Variants in NUBPL observed in about 807,000 individuals in gnomAD.
NUBPL encodes the protein iron-sulfur cluster transfer protein NUBPL.
In NUBPL, 31 loss-of-function variants were observed where a neutral mutation model predicts 45.7. The observed-to-expected ratio is 0.68, with a 90% CI of 0.51 to 0.92. The LOEUF is 0.92. Ranked by LOEUF, NUBPL falls within the 40% of genes least tolerant of loss-of-function variation. The pLI, the probability that NUBPL is intolerant of heterozygous loss-of-function variation, is 0.00. For synonymous variants in NUBPL, 144 were observed against 140.9 expected, an observed-to-expected ratio of 1.02 and a Z score of -0.15; for missense variants, 401 against 398.7, an observed-to-expected ratio of 1.01 and a Z score of -0.05.
intron 8 of NUBPL, among the ~76,000 whole-genome samples, chr14:31,833,381 A>T (rs1318572308): frequency 6.6e-6 from 1 of 152,176 alleles, no homozygotes; most frequent in Non-Finnish European, 1.5e-5. Context: ...AAAAAAAAAA[A>T]ATTAATTAGA....
intron 6 of NUBPL, among the ~76,000 whole-genome samples, chr14:31,698,372 G>A (rs1264692079): frequency 6.7e-6 from 1 of 148,610 alleles, no homozygotes; most frequent in Non-Finnish European, 1.5e-5. Context: ...TTTTTTTTAA[G>A]TGTTGAAAGA....
intron 8 of NUBPL, among the ~76,000 whole-genome samples, chr14:31,827,258 T>G (rs191104184): frequency 6.6e-6 from 1 of 151,936 alleles, no homozygotes; most frequent in African/African-American, 2.4e-5. Context: ...ATTAAGAAAC[T>G]TAAATACATG....
chr14:31,661,400 G>T (rs184059440), intron 4 of NUBPL, among the ~76,000 whole-genome samples: 1 of 152,256 alleles, frequency 6.6e-6, no homozygotes, highest in Admixed American at 6.5e-5. Flanking sequence ...TTATGTGGAG[G>T]AGTTGCTGTA....
At chr14:31,708,603 G>C (rs553956122) in intron 6 of NUBPL, among the ~76,000 whole-genome samples, 1 of 152,320 alleles carries the variant, frequency 6.6e-6, no homozygotes, top group Admixed American at 6.5e-5. Context: ...GGCTGTCCCA[G>C]GATTCCTCAG....
rs1400278768 is a variant in NUBPL, at chr14:31,688,655, G to GTT, written c.513+15082_513+15083dup. Among the ~76,000 whole-genome samples, 48 of 102,782 alleles carry GTT rather than the reference G, an allele frequency of 4.7e-4. 1 individual carries two copies. Among genetic ancestry groups the GTT allele is most frequent in the African/African-American group, 1.4e-3 (44 of 30,882 alleles). The allele number at this position is 102,782 out of a possible 152,430, so 67.4% of individuals were successfully genotyped here. ...CTATCTGCCTGAACAGGTTTTTGTT[G>GTT]TTGTTTTTTTTTTTTTTTAACTTTT... is the stretch of plus-strand genomic sequence containing the variant. On this transcript the variant is annotated intron_variant, in intron 6 of 10. Coordinates refer to ENST00000281081, the MANE Select transcript of NUBPL (RefSeq NM_025152.3).
chr14:31,670,317 T>C (rs1458173032), intron 4 of NUBPL, among the ~76,000 whole-genome samples: 1 of 152,224 alleles, frequency 6.6e-6, no homozygotes, highest in Non-Finnish European at 1.5e-5. Context: ...TGCCCACTTT[T>C]AATGGGGTTG....
chr14:31,710,479 A>C (rs1055745075), intron 6 of NUBPL, among the ~76,000 whole-genome samples: 1 of 152,170 alleles, frequency 6.6e-6, no homozygotes, highest in Non-Finnish European at 1.5e-5. Context: ...GGAAGGTCGG[A>C]TTTAGTGACC....
chr14:31,662,685 G>A (rs2036303317), intron 4 of NUBPL, among the ~76,000 whole-genome samples: 1 of 152,098 alleles, frequency 6.6e-6, no homozygotes, highest in Non-Finnish European at 1.5e-5. Flanking sequence ...ATTCTGTGGT[G>A]TATATTCTTT....
At chr14:31,724,949 A>G (rs1175535925) in intron 6 of NUBPL, among the ~76,000 whole-genome samples, 1 of 152,076 alleles carries the variant, frequency 6.6e-6, no homozygotes, top group African/African-American at 2.4e-5. Context: ...AGGTATTTGG[A>G]GGAAGAACAT....
At chr14:31,601,485 G>T (rs1168441274) in intron 4 of NUBPL, among the ~76,000 whole-genome samples, 2 of 151,954 alleles carry the variant, frequency 1.3e-5, no homozygotes, top group South Asian at 4.2e-4. Flanking sequence ...CTTGTAAGTT[G>T]GATTCCTAGG....
intron 3 of NUBPL, 31 bp from the exon 4 acceptor site, chr14:31,599,258 T>C (rs750799089): frequency 6.6e-7 from 1 of 1,505,936 alleles, no homozygotes; most frequent in Non-Finnish European, 9.2e-7. Flanking sequence ...TGTTTTTGTT[T>C]TGTTTTATAT....
chr14:31,707,732 C>T (rs34327830), intron 6 of NUBPL, among the ~76,000 whole-genome samples: 55,974 of 152,210 alleles, frequency 0.37, 12,623 homozygotes, highest in East Asian at 0.6. Context: ...GCTGGGCCTT[C>T]GGCCTAAACA....
chr14:31,563,857 C>T (rs138171351), intron 2 of NUBPL, among the ~76,000 whole-genome samples: 402 of 152,266 alleles, frequency 2.6e-3, no homozygotes, highest in Non-Finnish European at 4.6e-3. Context: ...CTTATAAAAA[C>T]GAATTTATCA....
intron 4 of NUBPL, among the ~76,000 whole-genome samples, chr14:31,670,432 C>T (rs1231231924): frequency 6.6e-6 from 1 of 152,064 alleles, no homozygotes; most frequent in East Asian, 1.9e-4. Context: ...TGTCTGTTTA[C>T]TCTGTTGATA....
chr14:31,630,501 A>G (rs2035313832), intron 4 of NUBPL, among the ~76,000 whole-genome samples: 1 of 152,206 alleles, frequency 6.6e-6, no homozygotes, highest in African/African-American at 2.4e-5. Flanking sequence ...TGACATTTAT[A>G]GATCATGAAT....
intron 4 of NUBPL, among the ~76,000 whole-genome samples, chr14:31,631,750 C>G (rs1038931673): frequency 3.9e-5 from 6 of 152,088 alleles, no homozygotes; most frequent in Non-Finnish European, 7.3e-5. Context: ...AGTGAATTCT[C>G]CCTTATTCCA....
In NUBPL at chr14:31,643,431, G is replaced by A. The variant is rs950715120; in HGVS notation, c.383-29924G>A. Among the ~76,000 whole-genome samples the A allele has an allele frequency of 3.3e-5, 5 of 152,224 alleles. No homozygotes were observed. The East Asian group carries it at 5.8e-4, about 18-fold the overall frequency. On this transcript the variant is annotated intron_variant, in intron 4 of 10. Transcript: ENST00000281081. ...TCACATGATATTTCCTCTTAGTTCT[G>A]TTGATGTGATGTATTACATGTATTG...
chr14:31,745,165 T>G (rs2038370236), intron 6 of NUBPL, among the ~76,000 whole-genome samples: 1 of 152,144 alleles, frequency 6.6e-6, no homozygotes, highest in South Asian at 2.1e-4. Flanking sequence ...ACTCGTCATT[T>G]GCATTAGGTA....
intron 7 of NUBPL, among the ~76,000 whole-genome samples, chr14:31,815,322 A>G (rs2039894232): frequency 6.6e-6 from 1 of 152,056 alleles, no homozygotes; most frequent in African/African-American, 2.4e-5. Flanking sequence ...GAGTTCACTC[A>G]TGGTTTGGCT....
Sources: gnomAD v4.1 joint callset for allele counts (sites outside exome capture counted in the v4.1 genomes callset) on GRCh38, gnomAD v4.1.1 for gene constraint, MANE v1.5 for transcripts, NCBI Gene and HGNC (gene_info 2026-07-23, HGNC 2026-07-21) for gene names.